Variants in MEI4 observed in about 807,000 individuals in gnomAD.
MEI4 encodes the protein meiotic double-stranded break formation protein 4.
A neutral mutation model predicts 31.4 loss-of-function variants in MEI4; 27 were observed. The ratio of observed to expected loss-of-function variants is 0.86; its 90% CI spans 0.63 to 1.19. The LOEUF (loss-of-function observed/expected upper bound fraction) is 1.19, where lower values mean the gene tolerates loss of function less well. Among genes scored for constraint, MEI4 ranks in the 50% most tolerant of loss-of-function variants. The pLI, the probability that MEI4 is intolerant of heterozygous loss-of-function variation, is 0.00. For synonymous variants in MEI4, 122 were observed against 145.4 expected, an observed-to-expected ratio of 0.84 and a Z score of 1.16; for missense variants, 329 against 398.9, an observed-to-expected ratio of 0.82 and a Z score of 1.49.
chr6:77,687,995 A>G (rs1055016799), intron 1 of MEI4, among the ~76,000 whole-genome samples: 3 of 152,110 alleles, frequency 2.0e-5, no homozygotes, highest in African/African-American at 7.2e-5. Context: ...CTTTCTGGCA[A>G]CTAATTCCTA....
intron 4 of MEI4, among the ~76,000 whole-genome samples, chr6:77,867,061 A>G (rs1027852454): frequency 3.3e-5 from 5 of 152,234 alleles, no homozygotes; most frequent in Non-Finnish European, 7.3e-5. Context: ...AACACCTTAT[A>G]CAAAAATTAA....
At chr6:77,655,872 A>G (rs915822858) in intron 1 of MEI4, among the ~76,000 whole-genome samples, 10 of 152,136 alleles carry the variant, frequency 6.6e-5, no homozygotes, top group African/African-American at 2.4e-4. Context: ...GATTTTGGAA[A>G]TATAGTAAAA....
At chr6:77,684,308 T>C (rs1029827040) in intron 1 of MEI4, among the ~76,000 whole-genome samples, 2 of 152,200 alleles carry the variant, frequency 1.3e-5, no homozygotes, top group Non-Finnish European at 2.9e-5. Context: ...GATACTTTGA[T>C]ACAGGAATGC....
At chr6:77,677,989 A>G (rs1768875810) in intron 1 of MEI4, among the ~76,000 whole-genome samples, 2 of 152,214 alleles carry the variant, frequency 1.3e-5, no homozygotes, top group South Asian at 4.1e-4. Context: ...AAATCTGAGT[A>G]TCTTTTACAG....
chr6:77,820,842 A>T lies in MEI4; in HGVS notation c.769-8089A>T, dbSNP rs1315903393. 1.3e-5 allele frequency among the ~76,000 whole-genome samples: 2 copies of T among 151,766 alleles called. No individual in the cohort carries two copies. The highest frequency in any genetic ancestry group is 4.8e-5 in the African/African-American group (2 of 41,322). On this transcript the variant is annotated intron_variant, in intron 3 of 4. Transcript: ENST00000684080. This position sits in a 1 kb window ranked among gnomAD's most constrained non-coding sequence, Gnocchi z 4.5. The stretch of plus-strand genomic sequence containing the variant: ...CCTCTGTGAATTCTTGTTGTTTCTT[A>T]GGCCTAAAAAACTTTCTTCCATTAT...
At chr6:77,860,375 G>C (rs972362532) in intron 4 of MEI4, among the ~76,000 whole-genome samples, 1 of 152,140 alleles carries the variant, frequency 6.6e-6, no homozygotes, top group Non-Finnish European at 1.5e-5. Flanking sequence ...CCATAATGTA[G>C]TCTAGAAAGA....
intron 3 of MEI4, 65 bp from the exon 4 acceptor site, chr6:77,828,866 G>T (rs760273591): frequency 8.5e-6 from 10 of 1,171,044 alleles, no homozygotes; most frequent in Non-Finnish European, 9.6e-6. Flanking sequence ...CAGTAGTAAG[G>T]TCTTAGAAAA....
chr6:77,694,329 G>A (rs759773386), intron 2 of MEI4, among the ~76,000 whole-genome samples: 4 of 152,000 alleles, frequency 2.6e-5, no homozygotes, highest in African/African-American at 7.2e-5. Context: ...AGTTACATAC[G>A]TATACATGTG....
At chr6:77,830,154 A>G (rs182742401) in intron 4 of MEI4, among the ~76,000 whole-genome samples, 2 of 152,238 alleles carry the variant, frequency 1.3e-5, no homozygotes, top group Admixed American at 6.5e-5. Context: ...AAAATAATTT[A>G]CAGAAAAGGA....
intron 2 of MEI4, among the ~76,000 whole-genome samples, chr6:77,753,506 A>T (rs1767835140): frequency 6.6e-6 from 1 of 152,248 alleles, no homozygotes; most frequent in Non-Finnish European, 1.5e-5. Context: ...AAAAAAGCTC[A>T]GCATCGCTGA....
At chr6:77,796,270 C>T (rs552435825) in intron 3 of MEI4, among the ~76,000 whole-genome samples, 1 of 152,148 alleles carries the variant, frequency 6.6e-6, no homozygotes, top group Non-Finnish European at 1.5e-5. Context: ...TAACATCATA[C>T]TCAGTGGTGA....
chr6:77,911,169 C>A (rs1429004405), intron 4 of MEI4, among the ~76,000 whole-genome samples: 1 of 151,768 alleles, frequency 6.6e-6, no homozygotes. Flanking sequence ...GATATTAGTC[C>A]ATTTATTTAG....
At chr6:77,679,409 T>C (rs1407610021) in intron 1 of MEI4, among the ~76,000 whole-genome samples, 1 of 88,526 alleles carries the variant, frequency 1.1e-5, no homozygotes, top group African/African-American at 4.5e-5. Context: ...ATGATTGTGT[T>C]ACAGTTGCCT....
At chr6:77,759,590 C>A (rs1767999255) in intron 2 of MEI4, among the ~76,000 whole-genome samples, 1 of 152,174 alleles carries the variant, frequency 6.6e-6, no homozygotes, top group Non-Finnish European at 1.5e-5. Flanking sequence ...TACCTTGTCA[C>A]CTAAGTCAGA....
intron 4 of MEI4, among the ~76,000 whole-genome samples, chr6:77,865,652 T>A (rs1771005328): frequency 6.6e-6 from 1 of 152,082 alleles, no homozygotes; most frequent in African/African-American, 2.4e-5. Context: ...CCAGAGGTAC[T>A]AGGAGGAGCT....
intron 3 of MEI4, among the ~76,000 whole-genome samples, chr6:77,789,566 C>G (rs1768854181): frequency 1.3e-5 from 2 of 151,952 alleles, no homozygotes; most frequent in South Asian, 2.1e-4. Context: ...AAGGAAAAAA[C>G]AAACAAACCC....
At chr6:77,801,451 T>C (rs1769255393) in intron 3 of MEI4, among the ~76,000 whole-genome samples, 1 of 152,202 alleles carries the variant, frequency 6.6e-6, no homozygotes, top group African/African-American at 2.4e-5. Flanking sequence ...CCTGGATTCA[T>C]TGATTTTTTG....
At chr6:77,666,007 T>C (rs1768623989) in intron 1 of MEI4, among the ~76,000 whole-genome samples, 1 of 152,166 alleles carries the variant, frequency 6.6e-6, no homozygotes, top group Non-Finnish European at 1.5e-5. Context: ...ATTTCATGTG[T>C]GTCCATGTAA....
chr6:77,732,718 G>A lies in MEI4; in HGVS notation c.233-28412G>A, dbSNP rs571107917. On this transcript the variant is annotated intron_variant, in intron 2 of 4. Coordinates refer to ENST00000684080, the MANE Select transcript of MEI4 (RefSeq NM_001322247.2). Reference sequence around the variant, plus strand: ...CCTGTCTTGTGCCAGTTTTCAAAGGGAATGCTTCCAGTTTTTGCCCATTCA... The same window carrying A: ...CCTGTCTTGTGCCAGTTTTCAAAGGAAATGCTTCCAGTTTTTGCCCATTCA... Among the ~76,000 whole-genome samples the A allele has an allele frequency of 5.8e-4, 88 of 152,156 alleles. 4 individuals carry two copies. Among genetic ancestry groups the A allele is most frequent in the African/African-American group, 1.5e-3 (64 of 41,440 alleles).
Sources: gnomAD v4.1 joint callset for allele counts (sites outside exome capture counted in the v4.1 genomes callset) on GRCh38, gnomAD v4.1.1 for gene constraint, Gnocchi (gnomAD v3.1) non-coding constraint, MANE v1.5 for transcripts, NCBI Gene and HGNC (gene_info 2026-07-23, HGNC 2026-07-21) for gene names.